TNFSF4: variants seen among roughly 807,000 people sequenced by gnomAD.
TNFSF4 encodes TNF superfamily member 4, also known as tumor necrosis factor ligand superfamily member 4.
A neutral mutation model predicts 7.3 loss-of-function variants in TNFSF4; 4 were observed. The ratio of observed to expected loss-of-function variants is 0.55; its 90% CI spans 0.27 to 1.25. The LOEUF (loss-of-function observed/expected upper bound fraction) is 1.25, where lower values mean the gene tolerates loss of function less well. Ranked by LOEUF, TNFSF4 falls within the 50% of genes most tolerant of loss-of-function variation. TNFSF4 has a pLI of 0.12. For synonymous variants in TNFSF4, 76 were observed against 83.7 expected (o/e 0.91, Z 0.50); for missense variants, 181 against 208.8 (o/e 0.87, Z 0.82).
the TNFSF4 span, among the ~76,000 whole-genome samples, chr1:173,362,096 A>G: frequency 6.6e-6 from 1 of 152,262 alleles, no homozygotes; most frequent in African/African-American, 2.4e-5. Flanking sequence ...TGTAAGCATG[A>G]GAATGGCAAA....
chr1:173,332,438 G>A, the TNFSF4 span, among the ~76,000 whole-genome samples: 3 of 152,230 alleles, frequency 2.0e-5, no homozygotes, highest in Non-Finnish European at 4.4e-5. Flanking sequence ...GGCTGAGGCA[G>A]GAGAATTGCT....
intron 1 of TNFSF4, among the ~76,000 whole-genome samples, chr1:173,203,862 T>C (rs1650055503): frequency 6.6e-6 from 1 of 152,214 alleles, no homozygotes; most frequent in African/African-American, 2.4e-5. Flanking sequence ...TTTCTGCCTT[T>C]GTTCCATAGC....
At chr1:173,425,303 C>G in the TNFSF4 span, among the ~76,000 whole-genome samples, 1 of 152,122 alleles carries the variant, frequency 6.6e-6, no homozygotes, top group Non-Finnish European at 1.5e-5. Context: ...TTCTGTGTGA[C>G]CATTGACAGA....
At chr1:173,177,931 C>T in the TNFSF4 span, among the ~76,000 whole-genome samples, 2 of 152,150 alleles carry the variant, frequency 1.3e-5, no homozygotes, top group East Asian at 1.9e-4. Flanking sequence ...TGAGCTGAGC[C>T]TTGAATGATG....
chr1:173,385,655 T>C, the TNFSF4 span, among the ~76,000 whole-genome samples: 54 of 152,136 alleles, frequency 3.5e-4, no homozygotes, highest in Middle Eastern at 3.2e-3. Flanking sequence ...CTGGCCAACA[T>C]AGCAAAACCC....
rs950143407 is a variant in TNFSF4, at chr1:173,188,671, TAGAGA to T, written c.154-107_154-103del. The T allele has an allele frequency of 1.6e-4, 155 of 967,020 alleles. No individual in the cohort carries two copies. The Admixed American group carries it at 3.4e-3, about 21-fold the overall frequency. 59.9% of individuals were successfully genotyped at this position (967,020 alleles called of 1,614,324 possible). ...AGTGAAGCAGAAATGCAGTAGCCTG[TAGAGA>T]AAACAAAAACAACAGAAGACTTGAC... is the stretch of plus-strand genomic sequence containing the variant. On this transcript the variant is annotated intron_variant, in intron 1 of 2. Transcript: ENST00000281834.
the TNFSF4 span, among the ~76,000 whole-genome samples, chr1:173,386,104 T>C: frequency 6.6e-6 from 1 of 152,156 alleles, no homozygotes; most frequent in African/African-American, 2.4e-5. Context: ...AGAGTGTCCA[T>C]GGGCCTCGAG....
the TNFSF4 span, among the ~76,000 whole-genome samples, chr1:173,358,052 G>T: frequency 6.6e-6 from 1 of 152,146 alleles, no homozygotes; most frequent in East Asian, 1.9e-4. Context: ...AGATGGGGGG[G>T]GGTATCCTGG....
the TNFSF4 span, chr1:173,351,706 T>C: frequency 2.5e-6 from 1 of 400,452 alleles, no homozygotes; most frequent in South Asian, 4.2e-5. Context: ...GTTCAATCCA[T>C]GCCTAACCGA....
At chr1:173,189,168 G>A (rs1432629741) in intron 1 of TNFSF4, among the ~76,000 whole-genome samples, 1 of 152,100 alleles carries the variant, frequency 6.6e-6, no homozygotes, top group African/African-American at 2.4e-5. Flanking sequence ...CTCTTCTTTG[G>A]TATACTGTTT....
chr1:173,383,025 T>A, the TNFSF4 span, among the ~76,000 whole-genome samples: 1 of 152,176 alleles, frequency 6.6e-6, no homozygotes, highest in African/African-American at 2.4e-5. Context: ...CTGCTTGGGA[T>A]CTCTGTTTGA....
the TNFSF4 span, among the ~76,000 whole-genome samples, chr1:173,326,902 T>G: frequency 6.6e-6 from 1 of 152,184 alleles, no homozygotes; most frequent in Non-Finnish European, 1.5e-5. Flanking sequence ...TCCATACTCA[T>G]GGGTAGGAAG....
At chr1:173,205,473 C>T (rs1650147849) in intron 1 of TNFSF4, 1 of 1,516,426 alleles carries the variant, frequency 6.6e-7, no homozygotes, top group Admixed American at 1.9e-5. Context: ...GCAAGCTGTA[C>T]AACTGTGGTT....
At chr1:173,338,840 C>T in the TNFSF4 span, among the ~76,000 whole-genome samples, 1 of 152,160 alleles carries the variant, frequency 6.6e-6, no homozygotes, top group Non-Finnish European at 1.5e-5. Context: ...TGAGGATCCT[C>T]CTGCCTCTGA....
the TNFSF4 span, among the ~76,000 whole-genome samples, chr1:173,417,620 C>G: frequency 1.3e-5 from 2 of 152,186 alleles, no homozygotes; most frequent in African/African-American, 2.4e-5. Context: ...ACTGATTTCT[C>G]TCATTGCCTG....
the TNFSF4 span, among the ~76,000 whole-genome samples, chr1:173,368,919 A>T: frequency 6.6e-6 from 1 of 152,134 alleles, no homozygotes; most frequent in Non-Finnish European, 1.5e-5. Flanking sequence ...TATAAGAATG[A>T]TTTCTAGTAT....
chr1:173,249,057 G>T, the TNFSF4 span, among the ~76,000 whole-genome samples: 1 of 152,154 alleles, frequency 6.6e-6, no homozygotes, highest in East Asian at 1.9e-4. Flanking sequence ...GCAGGTTGGG[G>T]AAACAGTGGA....
chr1:173,229,093 C>T, the TNFSF4 span, among the ~76,000 whole-genome samples: 2 of 152,260 alleles, frequency 1.3e-5, no homozygotes, highest in Admixed American at 1.3e-4. Flanking sequence ...CGCAAAGATA[C>T]TCCTCAAGAA....
the TNFSF4 span, among the ~76,000 whole-genome samples, chr1:173,438,869 CA>C: frequency 2.6e-5 from 4 of 152,356 alleles, no homozygotes; most frequent in African/African-American, 9.6e-5. Context: ...GCTCTTTGCA[CA>C]ACTTTCATTT....
Sources: gnomAD v4.1 joint callset for allele counts (sites outside exome capture counted in the v4.1 genomes callset) on GRCh38, gnomAD v4.1.1 for gene constraint, MANE v1.5 for transcripts, NCBI Gene and HGNC (gene_info 2026-07-23, HGNC 2026-07-21) for gene names.